The following FHIT variants were observed in gnomAD, a reference collection of about 807,000 sequenced individuals.
FHIT encodes the protein fragile histidine triad diadenosine triphosphatase, also known as bis(5'-adenosyl)-triphosphatase.
A neutral mutation model predicts 17.9 loss-of-function variants in FHIT; 19 were observed. That is an observed-to-expected ratio of 1.06 (90% confidence interval 0.74 to 1.56). FHIT has a LOEUF of 1.56. FHIT is among the 40% of genes most tolerant of loss of function. FHIT has a pLI of 0.00. For missense variants in FHIT, 248 were observed against 189.2 expected (o/e 1.31, Z -1.82); for synonymous variants, 81 against 69.7 (o/e 1.16, Z -0.81).
intron 7 of FHIT, among the ~76,000 whole-genome samples, chr3:59,991,218 C>G (rs1461729885): frequency 6.6e-6 from 1 of 152,050 alleles, no homozygotes; most frequent in Non-Finnish European, 1.5e-5. Flanking sequence ...ATAGTAGTGT[C>G]TGACTTTGCA....
chr3:60,423,084 G>A (rs977479364), intron 5 of FHIT, among the ~76,000 whole-genome samples: 2 of 152,092 alleles, frequency 1.3e-5, no homozygotes, highest in Non-Finnish European at 2.9e-5. Flanking sequence ...CATACCCAAC[G>A]GAACAGGCAG....
intron 5 of FHIT, among the ~76,000 whole-genome samples, chr3:60,350,815 G>C (rs968213666): frequency 6.6e-6 from 1 of 152,108 alleles, no homozygotes; most frequent in East Asian, 1.9e-4. Flanking sequence ...TCAGTGATTT[G>C]CTTCCAACCA....
At chr3:60,142,277 A>G (rs1700069646) in intron 5 of FHIT, among the ~76,000 whole-genome samples, 1 of 152,184 alleles carries the variant, frequency 6.6e-6, no homozygotes, top group Non-Finnish European at 1.5e-5. Context: ...CGTAGCTCAT[A>G]AGGTTGCTGT....
chr3:60,753,733 A>G (rs1368809334), intron 4 of FHIT, among the ~76,000 whole-genome samples: 8 of 152,198 alleles, frequency 5.3e-5, no homozygotes, highest in Admixed American at 5.2e-4. Context: ...CAAAAGAAGA[A>G]AGTAAAATTG....
intron 5 of FHIT, among the ~76,000 whole-genome samples, chr3:60,128,545 C>G (rs902966919): frequency 6.6e-6 from 1 of 152,112 alleles, no homozygotes; most frequent in Non-Finnish European, 1.5e-5. Context: ...TAATACAAAC[C>G]CTTACTATGC....
At chr3:59,984,796 T>C (rs1365984995) in intron 7 of FHIT, among the ~76,000 whole-genome samples, 1 of 152,080 alleles carries the variant, frequency 6.6e-6, no homozygotes, top group Non-Finnish European at 1.5e-5. Flanking sequence ...ATTATTGTCT[T>C]ATTTAATACC....
chr3:59,791,681 A>G (rs1427851947), intron 8 of FHIT, among the ~76,000 whole-genome samples: 1 of 152,144 alleles, frequency 6.6e-6, no homozygotes, highest in African/African-American at 2.4e-5. Context: ...CCCAATGCTG[A>G]GTATAGGCCT....
chr3:60,185,763 T>C (rs1250180094), intron 5 of FHIT, among the ~76,000 whole-genome samples: 3 of 152,202 alleles, frequency 2.0e-5, no homozygotes, highest in Non-Finnish European at 4.4e-5. Flanking sequence ...CTTGTTGCTC[T>C]ACATCCTCCC....
chr3:59,934,517 A>AT (rs1706134281), intron 7 of FHIT, among the ~76,000 whole-genome samples: 1 of 152,166 alleles, frequency 6.6e-6, no homozygotes, highest in Non-Finnish European at 1.5e-5. Flanking sequence ...TTTCAGTGAC[A>AT]TAACAGCTTT....
intron 5 of FHIT, among the ~76,000 whole-genome samples, chr3:60,302,216 G>A (rs570129148): frequency 1.3e-5 from 2 of 152,114 alleles, no homozygotes; most frequent in Non-Finnish European, 2.9e-5. Context: ...TTATCTCTAA[G>A]AGTTCAAGGA....
At chr3:59,880,907 T>C (rs73100644) in intron 8 of FHIT, among the ~76,000 whole-genome samples, 3,336 of 152,296 alleles carry the variant, frequency 0.022, 46 homozygotes, top group South Asian at 0.064. Context: ...TGAATGGGTA[T>C]TGGTCTTTAA....
chr3:61,011,054 T>C (rs2031761704), intron 3 of FHIT, among the ~76,000 whole-genome samples: 1 of 152,226 alleles, frequency 6.6e-6, no homozygotes, highest in African/African-American at 2.4e-5. Flanking sequence ...GTTTCCTTTC[T>C]TTCCACAAGG....
intron 4 of FHIT, among the ~76,000 whole-genome samples, chr3:60,616,213 C>T (rs1158009333): frequency 1.3e-5 from 2 of 152,140 alleles, no homozygotes; most frequent in African/African-American, 2.4e-5. Context: ...TTACACAACA[C>T]CTGTTACAAA....
intron 4 of FHIT, among the ~76,000 whole-genome samples, chr3:60,685,194 T>G (rs1300035940): frequency 1.3e-5 from 2 of 152,184 alleles, no homozygotes; most frequent in Non-Finnish European, 2.9e-5. Context: ...GTGTTCAACT[T>G]TCAACTCTGT....
intron 2 of FHIT, among the ~76,000 whole-genome samples, chr3:61,105,301 G>C (rs1269843348): frequency 6.6e-6 from 1 of 151,644 alleles, no homozygotes; most frequent in Non-Finnish European, 1.5e-5. Context: ...AGATGGATTT[G>C]CCCCACTGGC....
intron 1 of FHIT, among the ~76,000 whole-genome samples, chr3:61,217,247 T>C (rs534697644): frequency 6.6e-6 from 1 of 152,344 alleles, no homozygotes; most frequent in Non-Finnish European, 1.5e-5. Flanking sequence ...GGCTTTTCTG[T>C]ATGCTACAAA....
chr3:60,609,253 C>T (rs190569518), intron 4 of FHIT, among the ~76,000 whole-genome samples: 1 of 152,158 alleles, frequency 6.6e-6, no homozygotes, highest in African/African-American at 2.4e-5. Flanking sequence ...AATCTGCCAG[C>T]ATTGCCTTTA....
intron 4 of FHIT, among the ~76,000 whole-genome samples, chr3:60,737,079 A>G (rs1454562867): frequency 1.3e-5 from 2 of 152,210 alleles, no homozygotes; most frequent in African/African-American, 4.8e-5. Context: ...CATACATAAA[A>G]GCTATTCGGA....
intron 5 of FHIT, among the ~76,000 whole-genome samples, chr3:60,047,160 A>C (rs1701687658): frequency 1.3e-5 from 2 of 152,262 alleles, no homozygotes; most frequent in South Asian, 4.1e-4. Context: ...GTCGGTGCAC[A>C]GCAATACTGC....
Sources: gnomAD v4.1 joint callset for allele counts (sites outside exome capture counted in the v4.1 genomes callset) on GRCh38, gnomAD v4.1.1 for gene constraint, MANE v1.5 for transcripts, NCBI Gene and HGNC (gene_info 2026-07-23, HGNC 2026-07-21) for gene names.